Variants in CD247 observed in about 807,000 individuals in gnomAD.
CD247 encodes the protein T-cell surface glycoprotein CD3 zeta chain.
In CD247, 13 loss-of-function variants were observed where a neutral mutation model predicts 30.0. The observed-to-expected ratio is 0.43, with a 90% CI of 0.28 to 0.69. The LOEUF is 0.69. CD247 is among the 30% of genes least tolerant of loss of function. The pLI, the probability that CD247 is intolerant of heterozygous loss-of-function variation, is 0.16. For synonymous variants in CD247, 72 were observed against 80.0 expected, an observed-to-expected ratio of 0.90 and a Z score of 0.53; for missense variants, 193 against 212.6, an observed-to-expected ratio of 0.91 and a Z score of 0.57.
At chr1:167,457,536 CTG>C (rs1407860499) in intron 1 of CD247, 1 of 152,346 alleles carries the variant, frequency 6.6e-6, no homozygotes, top group East Asian at 1.9e-4. Flanking sequence ...GCCAGTAAGT[CTG>C]TGAGTTCAGG....
At chr1:167,498,120 A>C (rs538265182) in intron 1 of CD247, among the ~76,000 whole-genome samples, 62 of 152,266 alleles carry the variant, frequency 4.1e-4, no homozygotes, top group African/African-American at 1.1e-3. Flanking sequence ...TGTCTCCCCC[A>C]GTCCTGGCCA....
At position 167,438,756 on chromosome 1, in the gene CD247, A is replaced by G. The variant is rs1217188080; in HGVS notation, c.220-106T>C. ...TCCCTCTCTGGGGTGGCTCATAAAA[A>G]GAGGGGCAGGGGCTGGGGAGGGGAT... On this transcript the variant is annotated intron_variant, in intron 3 of 7. Transcript: ENST00000362089. 1.2e-5 allele frequency: 10 copies of G among 867,790 alleles called. No homozygotes were observed. The East Asian group carries it at 2.2e-4, about 19-fold the overall frequency. The allele number at this position is 867,790 out of a possible 1,614,324, so 53.8% of individuals were successfully genotyped here.
intron 1 of CD247, among the ~76,000 whole-genome samples, chr1:167,462,656 C>T (rs780175624): frequency 3.9e-5 from 6 of 152,152 alleles, no homozygotes; most frequent in Admixed American, 1.3e-4. Context: ...GGGTTCCCGC[C>T]GCTGGGCCAT....
At chr1:167,515,101 A>G (rs1184429322) in intron 1 of CD247, among the ~76,000 whole-genome samples, 4 of 152,234 alleles carry the variant, frequency 2.6e-5, no homozygotes, top group Non-Finnish European at 4.4e-5. Context: ...AAATTGAAAA[A>G]TGAAATAGCT....
intron 1 of CD247, among the ~76,000 whole-genome samples, chr1:167,468,171 A>T (rs1230506930): frequency 6.6e-6 from 1 of 152,146 alleles, no homozygotes; most frequent in Non-Finnish European, 1.5e-5. Context: ...TTTCCAGTAA[A>T]AAAAAAATGA....
chr1:167,518,084 C>G (rs752212100), intron 1 of CD247, among the ~76,000 whole-genome samples: 1 of 152,196 alleles, frequency 6.6e-6, no homozygotes, highest in Non-Finnish European at 1.5e-5. Context: ...CTGTGAAACA[C>G]TCCCTCTCCG....
chr1:167,510,504 C>T (rs1292682985), intron 1 of CD247, among the ~76,000 whole-genome samples: 6 of 152,224 alleles, frequency 3.9e-5, no homozygotes, highest in Non-Finnish European at 7.3e-5. Flanking sequence ...TGCCTTCTCC[C>T]TGCAGCAGGC....
chr1:167,434,114 T>C, intron 5 of CD247, 38 bp from the exon 6 acceptor site: 1 of 1,592,634 alleles, frequency 6.3e-7, no homozygotes, highest in Non-Finnish European at 8.6e-7. Flanking sequence ...TTTTACCAAC[T>C]AATGCAGAAA....
chr1:167,458,918 T>C (rs1338194886), intron 1 of CD247, among the ~76,000 whole-genome samples: 5 of 151,060 alleles, frequency 3.3e-5, no homozygotes, highest in Non-Finnish European at 4.4e-5. Context: ...AGGCCAGGAG[T>C]TCGAGACCAG....
At chr1:167,504,256 G>GC (rs35356557) in intron 1 of CD247, among the ~76,000 whole-genome samples, 1 of 152,130 alleles carries the variant, frequency 6.6e-6, no homozygotes, top group South Asian at 2.1e-4. Context: ...CATAAAACAA[G>GC]CCCCGGCATC....
At chr1:167,439,264 G>T in intron 3 of CD247, 80 bp downstream of exon 3, 4 of 1,325,802 alleles carry the variant, frequency 3.0e-6, no homozygotes, top group South Asian at 2.3e-5. Flanking sequence ...CTAAACCCAA[G>T]ACTCTGGCGG....
chr1:167,514,461 C>A (rs1187944069), intron 1 of CD247, among the ~76,000 whole-genome samples: 1 of 152,164 alleles, frequency 6.6e-6, no homozygotes, highest in Non-Finnish European at 1.5e-5. Context: ...AGGTACCATG[C>A]TAAGTGCTGG....
intron 2 of CD247, chr1:167,440,147 G>A (rs923842944): frequency 5.6e-5 from 10 of 179,086 alleles, no homozygotes; most frequent in Non-Finnish European, 1.1e-4. Context: ...CTGAAGTGAT[G>A]ACTGGGACTG....
At chr1:167,434,861 GGACA>G (rs764230858) in intron 5 of CD247, 58 of 462,550 alleles carry the variant, frequency 1.3e-4, no homozygotes, top group Non-Finnish European at 2.2e-4. Flanking sequence ...GGGAAGGTCT[GGACA>G]GACAAAGACC....
chr1:167,473,851 T>C (rs560115806), intron 1 of CD247, among the ~76,000 whole-genome samples: 1 of 152,218 alleles, frequency 6.6e-6, no homozygotes, highest in Non-Finnish European at 1.5e-5. Context: ...AGCCTCCTTG[T>C]CACACTGACT....
At chr1:167,459,633 T>C (rs1652903599) in intron 1 of CD247, 1 of 152,182 alleles carries the variant, frequency 6.6e-6, no homozygotes, top group South Asian at 2.1e-4. Flanking sequence ...GATTATAGGC[T>C]TGAGCCACTG....
intron 1 of CD247, among the ~76,000 whole-genome samples, chr1:167,441,561 G>T (rs1455164094): frequency 1.3e-5 from 2 of 152,124 alleles, no homozygotes; most frequent in Non-Finnish European, 2.9e-5. Context: ...TGCACTCTCT[G>T]TTCCCTCTTC....
intron 1 of CD247, among the ~76,000 whole-genome samples, chr1:167,453,671 G>A (rs1387569273): frequency 6.6e-6 from 1 of 152,080 alleles, no homozygotes; most frequent in Non-Finnish European, 1.5e-5. Flanking sequence ...AAGATAATTA[G>A]GTTTTAAAAA....
At chr1:167,456,932 G>A (rs188196251) in intron 1 of CD247, among the ~76,000 whole-genome samples, 3 of 152,282 alleles carry the variant, frequency 2.0e-5, no homozygotes, top group Admixed American at 1.3e-4. Flanking sequence ...TACCTAACAC[G>A]GCTGCCTGAA....
Sources: allele counts gnomAD v4.1 joint callset (sites outside exome capture counted in the v4.1 genomes callset), GRCh38; gene constraint gnomAD v4.1.1; transcripts MANE v1.5; gene names NCBI Gene and HGNC (gene_info 2026-07-23, HGNC 2026-07-21).